Variants in PDE4D observed in about 807,000 individuals in gnomAD.
The protein encoded by PDE4D is 3',5'-cyclic-AMP phosphodiesterase 4D.
In PDE4D, 24 loss-of-function variants were observed where a neutral mutation model predicts 87.4. The observed-to-expected ratio is 0.27, with a 90% CI of 0.20 to 0.39. PDE4D has a LOEUF of 0.39. Among genes scored for constraint, PDE4D ranks in the 10% least tolerant of loss-of-function variants. PDE4D has a pLI of 1.00. For missense variants in PDE4D, 714 were observed against 1,041.0 expected (o/e 0.69, Z 4.32); for synonymous variants, 384 against 383.2 (o/e 1.00, Z -0.02).
intron 1 of PDE4D, among the ~76,000 whole-genome samples, chr5:59,325,631 T>C (rs1561960264): frequency 6.6e-6 from 1 of 152,160 alleles, no homozygotes; most frequent in Non-Finnish European, 1.5e-5. Flanking sequence ...GTGCTGCAAA[T>C]GGAACTTATT....
In PDE4D at chr5:59,366,000, G is replaced by C. The variant is rs1376713896; in HGVS notation, c.456-150032C>G. Among the ~76,000 whole-genome samples, 4 of 152,270 alleles carry C rather than the reference G, an allele frequency of 2.6e-5. No individual in the cohort carries two copies. The East Asian group carries it at 7.7e-4, about 29-fold the overall frequency. Reference sequence around the variant, plus strand: ...AGAGCATATAAGATCTGTTTCAGTAGAATATGGTTCTTGCCATGTCAAAAA... The same window carrying C: ...AGAGCATATAAGATCTGTTTCAGTACAATATGGTTCTTGCCATGTCAAAAA... On this transcript the variant is annotated intron_variant, in intron 1 of 14. Coordinates refer to ENST00000340635, the MANE Select transcript of PDE4D (RefSeq NM_001104631.2).
chr5:60,521,483 T>G (rs1002660793), intron 1 of PDE4D: 7 of 152,110 alleles, frequency 4.6e-5, no homozygotes, highest in Non-Finnish European at 7.3e-5. Flanking sequence ...GAAAAAGAGA[T>G]CTAAAGGCAG....
chr5:59,590,404 T>C (rs773832628), intron 1 of PDE4D, among the ~76,000 whole-genome samples: 17 of 152,108 alleles, frequency 1.1e-4, no homozygotes, highest in Admixed American at 3.3e-4. Context: ...AGGAAGCCAG[T>C]TCTGGTTGCT....
intron 1 of PDE4D, among the ~76,000 whole-genome samples, chr5:59,681,594 G>C (rs530188083): frequency 2.0e-5 from 3 of 152,080 alleles, no homozygotes; most frequent in African/African-American, 7.2e-5. Flanking sequence ...CATAGGAGTA[G>C]GTTCCTTATA....
At chr5:59,885,089 C>T (rs1039129150) in intron 1 of PDE4D, among the ~76,000 whole-genome samples, 1 of 151,648 alleles carries the variant, frequency 6.6e-6, no homozygotes, top group African/African-American at 2.4e-5. Context: ...ATAATTTATC[C>T]TTTTCTCACT....
At chr5:59,740,461 T>C (rs954065761) in intron 1 of PDE4D, among the ~76,000 whole-genome samples, 9 of 152,180 alleles carry the variant, frequency 5.9e-5, no homozygotes, top group Non-Finnish European at 1.0e-4. Flanking sequence ...TCAAAAACTT[T>C]TAAGTTCTTA....
At chr5:59,639,583 G>A (rs148603641) in intron 1 of PDE4D, among the ~76,000 whole-genome samples, 23 of 152,266 alleles carry the variant, frequency 1.5e-4, no homozygotes, top group Admixed American at 3.9e-4. Flanking sequence ...CGGGTGGCCT[G>A]AAGGCTCCTA....
chr5:59,237,783 GT>G (rs66803649), intron 1 of PDE4D, among the ~76,000 whole-genome samples: 115,522 of 145,868 alleles, frequency 0.79, 44,329 homozygotes, highest in African/African-American at 0.84. Flanking sequence ...CCTCATATAG[GT>G]GTGTGTGTGT....
intron 6 of PDE4D, among the ~76,000 whole-genome samples, chr5:59,019,284 G>A (rs966816278): frequency 4.0e-5 from 6 of 151,696 alleles, no homozygotes; most frequent in East Asian, 1.9e-4. Flanking sequence ...ATTCCCTAAC[G>A]GTTTCTTCTT....
chr5:60,437,119 A>T (rs1378629177), intron 1 of PDE4D, among the ~76,000 whole-genome samples: 2 of 152,082 alleles, frequency 1.3e-5, no homozygotes, highest in African/African-American at 2.4e-5. Flanking sequence ...CTTCAACAGA[A>T]TATCTACTCT....
intron 1 of PDE4D, among the ~76,000 whole-genome samples, chr5:60,361,039 C>A (rs1164634513): frequency 2.0e-5 from 3 of 152,220 alleles, no homozygotes; most frequent in Non-Finnish European, 4.4e-5. Context: ...GCCACCAACA[C>A]CCTACAAAGT....
chr5:59,872,893 G>A (rs1018560845), intron 1 of PDE4D, among the ~76,000 whole-genome samples: 1 of 152,096 alleles, frequency 6.6e-6, no homozygotes, highest in Non-Finnish European at 1.5e-5. Context: ...GAAAATGGAA[G>A]GTTTTTTTCA....
chr5:60,101,524 CA>C (rs1326525150), intron 2 of PDE4D, among the ~76,000 whole-genome samples: 1 of 152,188 alleles, frequency 6.6e-6, no homozygotes, highest in East Asian at 1.9e-4. Flanking sequence ...ACTCCTCCAC[CA>C]GTAGATATAA....
chr5:59,218,108 T>C (rs746155634), intron 1 of PDE4D: 51 of 330,976 alleles, frequency 1.5e-4, no homozygotes, highest in Non-Finnish European at 2.7e-4. Context: ...TTTGGCAAAG[T>C]AGATTTCTCT....
chr5:59,661,227 A>C (rs1745214159), intron 1 of PDE4D, among the ~76,000 whole-genome samples: 1 of 152,090 alleles, frequency 6.6e-6, no homozygotes, highest in Non-Finnish European at 1.5e-5. Flanking sequence ...CTAAATCAAC[A>C]GATAAAAGGA....
intron 5 of PDE4D, among the ~76,000 whole-genome samples, chr5:59,141,807 C>T (rs1777936320): frequency 6.6e-6 from 1 of 152,194 alleles, no homozygotes; most frequent in Non-Finnish European, 1.5e-5. Context: ...ATTTTCCTCA[C>T]TTGGTGCCTT....
At chr5:60,399,054 G>A (rs533586875) in intron 1 of PDE4D, among the ~76,000 whole-genome samples, 1 of 152,310 alleles carries the variant, frequency 6.6e-6, no homozygotes, top group Non-Finnish European at 1.5e-5. Context: ...GAAAAGCCAA[G>A]TTTAAGCAAC....
chr5:60,342,336 A>G (rs1378494514), intron 1 of PDE4D, among the ~76,000 whole-genome samples: 2 of 152,248 alleles, frequency 1.3e-5, no homozygotes, highest in Middle Eastern at 3.4e-3. Context: ...TGTCAACATT[A>G]CCATGTATTA....
chr5:59,573,994 T>A (rs1209150513), intron 1 of PDE4D, among the ~76,000 whole-genome samples: 1 of 45,070 alleles, frequency 2.2e-5, no homozygotes, highest in Non-Finnish European at 4.0e-5. Flanking sequence ...GGAGACTCTG[T>A]CTCAAAAAAA....
Sources: allele counts gnomAD v4.1 joint callset (sites outside exome capture counted in the v4.1 genomes callset), GRCh38; gene constraint gnomAD v4.1.1; transcripts MANE v1.5; gene names NCBI Gene and HGNC (gene_info 2026-07-23, HGNC 2026-07-21).